MARCHF1: variants seen among roughly 807,000 people sequenced by gnomAD.
MARCHF1 encodes the protein membrane associated ring-CH-type finger 1.
A neutral mutation model predicts 54.2 loss-of-function variants in MARCHF1; 40 were observed. That is an observed-to-expected ratio of 0.74 (90% CI 0.57 to 0.96). MARCHF1 has a LOEUF of 0.96. MARCHF1 is among the 40% of genes least tolerant of loss of function. The pLI is 0.00. For missense variants in MARCHF1, 586 were observed against 656.5 expected, an observed-to-expected ratio of 0.89 and a Z score of 1.17; for synonymous variants, 236 against 236.3, an observed-to-expected ratio of 1.00 and a Z score of 0.01.
At position 163,994,787 on chromosome 4, in the gene MARCHF1, ACACACAC is replaced by A. The variant is rs1317167919; in HGVS notation, c.-247-6085_-247-6079del. 7.1e-4 allele frequency among the ~76,000 whole-genome samples: 22 copies of A among 31,008 alleles called. 1 individual carries two copies. Among genetic ancestry groups the A allele is most frequent in the Non-Finnish European group, 1.5e-3 (16 of 10,820 alleles). 20.3% of individuals were successfully genotyped at this position (31,008 alleles called of 152,430 possible). A position where few individuals can be genotyped will look rare whatever the true frequency, so the allele number is the denominator to read the frequency against. ...CACACACACACACACACACACACACACACACACAAAACAAATGCATTATTTTGGATTC... is the reference window on the plus strand; with the variant it reads ...CACACACACACACACACACACACACAAAAACAAATGCATTATTTTGGATTC... On this transcript the variant is annotated intron_variant, in intron 2 of 9. Coordinates refer to ENST00000514618, the MANE Select transcript of MARCHF1 (RefSeq NM_001394959.1).
intron 3 of MARCHF1, among the ~76,000 whole-genome samples, chr4:163,926,519 C>G (rs777488193): frequency 2.0e-5 from 3 of 151,454 alleles, no homozygotes; most frequent in Non-Finnish European, 4.4e-5. Context: ...GAATTTCTGG[C>G]AAAAGGCATT....
At chr4:163,929,952 A>AT (rs371512905) in intron 3 of MARCHF1, among the ~76,000 whole-genome samples, 100 of 105,192 alleles carry the variant, frequency 9.5e-4, no homozygotes, top group African/African-American at 4.0e-3. Flanking sequence ...TATATTATAT[A>AT]TATTATATAT....
chr4:163,989,741 G>A lies in MARCHF1; in HGVS notation c.-247-1032C>T, dbSNP rs538824852. Among the ~76,000 whole-genome samples the A allele has an allele frequency of 3.3e-5, 5 of 152,112 alleles. No individual in the cohort carries two copies. In the South Asian group the frequency reaches 1.0e-3, roughly 32 times the overall value. On this transcript the variant is annotated intron_variant, in intron 2 of 9. Coordinates refer to ENST00000514618, the MANE Select transcript of MARCHF1 (RefSeq NM_001394959.1). The stretch of plus-strand genomic sequence containing the variant: ...GCATGATTATTCCCTCTTTTTCAGG[G>A]TGTTTGGCACTCTGTCTTTAAAAGG...
intron 4 of MARCHF1, among the ~76,000 whole-genome samples, chr4:163,774,842 A>G: frequency 6.6e-6 from 1 of 152,066 alleles, no homozygotes; most frequent in Non-Finnish European, 1.5e-5. Flanking sequence ...TCAATTTGAC[A>G]TGACCGTTAT....
intron 8 of MARCHF1, among the ~76,000 whole-genome samples, chr4:163,583,399 C>G (rs1740292410): frequency 1.3e-5 from 2 of 152,136 alleles, no homozygotes; most frequent in African/African-American, 4.8e-5. Flanking sequence ...GGGGAAGCAA[C>G]CTCTGGATCA....
chr4:163,833,604 A>G (rs1027863259), intron 4 of MARCHF1, among the ~76,000 whole-genome samples: 2 of 152,180 alleles, frequency 1.3e-5, no homozygotes, highest in African/African-American at 4.8e-5. Context: ...GCAGCCAAAA[A>G]ACACATGAAA....
intron 3 of MARCHF1, among the ~76,000 whole-genome samples, chr4:163,921,683 A>G (rs1438875864): frequency 1.3e-5 from 2 of 152,192 alleles, no homozygotes; most frequent in Non-Finnish European, 2.9e-5. Flanking sequence ...GATATCATAA[A>G]AAGAAATCAA....
chr4:163,697,735 G>A (rs1744680259), intron 5 of MARCHF1, among the ~76,000 whole-genome samples: 1 of 152,106 alleles, frequency 6.6e-6, no homozygotes. Flanking sequence ...CACCCATTAT[G>A]AGTAATACTA....
At chr4:163,904,503 A>T (rs1007967142) in intron 3 of MARCHF1, among the ~76,000 whole-genome samples, 11 of 152,168 alleles carry the variant, frequency 7.2e-5, no homozygotes, top group Non-Finnish European at 1.5e-4. Flanking sequence ...CTCAAATACA[A>T]AACCTGCAGC....
chr4:163,920,031 A>T (rs1462444834), intron 3 of MARCHF1, among the ~76,000 whole-genome samples: 36 of 152,190 alleles, frequency 2.4e-4, no homozygotes, highest in Admixed American at 2.2e-3. Flanking sequence ...AAGATATGTA[A>T]TATTTCCTGG....
chr4:163,808,217 A>C (rs1181781845), intron 4 of MARCHF1, among the ~76,000 whole-genome samples: 4 of 152,210 alleles, frequency 2.6e-5, no homozygotes, highest in Admixed American at 2.6e-4. Context: ...ACATAAAATG[A>C]AATGTCAATT....
At chr4:163,810,694 A>G (rs931649993) in intron 4 of MARCHF1, among the ~76,000 whole-genome samples, 5 of 152,194 alleles carry the variant, frequency 3.3e-5, no homozygotes, top group Non-Finnish European at 5.9e-5. Flanking sequence ...AACTAAGTAA[A>G]ATTTTGATTT....
intron 1 of MARCHF1, among the ~76,000 whole-genome samples, chr4:164,230,864 A>G (rs1404132619): frequency 6.6e-6 from 1 of 152,238 alleles, no homozygotes; most frequent in East Asian, 1.9e-4. Context: ...ATTTGCTTTT[A>G]TTGTGCAGTA....
intron 1 of MARCHF1, chr4:164,197,103 G>C (rs537870223): frequency 1.9e-6 from 3 of 1,604,676 alleles, no homozygotes; most frequent in Non-Finnish European, 2.6e-6. Context: ...CATCCTCCTC[G>C]TCCCCTCCAC....
intron 5 of MARCHF1, among the ~76,000 whole-genome samples, chr4:163,656,449 G>A (rs1376954503): frequency 2.0e-5 from 3 of 151,954 alleles, no homozygotes; most frequent in Non-Finnish European, 2.9e-5. Flanking sequence ...GGACCAGACA[G>A]ATTCACAGCC....
chr4:163,706,528 T>G (rs1384621218), intron 4 of MARCHF1, among the ~76,000 whole-genome samples: 1 of 152,044 alleles, frequency 6.6e-6, no homozygotes, highest in Non-Finnish European at 1.5e-5. Flanking sequence ...TACTTAGGAA[T>G]AAACTTAACA....
chr4:164,115,883 C>G (rs916963138), intron 1 of MARCHF1, among the ~76,000 whole-genome samples: 4 of 151,954 alleles, frequency 2.6e-5, no homozygotes, highest in African/African-American at 9.7e-5. Context: ...CAGATATACA[C>G]AGAAAGCAAC....
chr4:163,691,857 A>G (rs537420608), intron 5 of MARCHF1, among the ~76,000 whole-genome samples: 11 of 152,256 alleles, frequency 7.2e-5, no homozygotes, highest in Non-Finnish European at 1.6e-4. Context: ...GTGGCTGATG[A>G]TCATAGCTAC....
At chr4:164,072,363 G>A (rs1257712050) in intron 2 of MARCHF1, among the ~76,000 whole-genome samples, 3 of 152,176 alleles carry the variant, frequency 2.0e-5, no homozygotes, top group Admixed American at 1.3e-4. Flanking sequence ...AGGTAGGTTC[G>A]AGACCAGCTT....
Sources: allele counts gnomAD v4.1 joint callset (sites outside exome capture counted in the v4.1 genomes callset), GRCh38; gene constraint gnomAD v4.1.1; transcripts MANE v1.5; gene names NCBI Gene and HGNC (gene_info 2026-07-23, HGNC 2026-07-21).